The following GLYCTK variants were observed in gnomAD, a reference collection of about 807,000 sequenced individuals.
GLYCTK encodes the protein HBeAg binding protein 4.
GLYCTK carries 22 observed loss-of-function variants against 24.8 expected under a neutral mutation model. That is an observed-to-expected ratio of 0.89 (90% confidence interval 0.63 to 1.27). GLYCTK has a LOEUF of 1.27. Among genes scored for constraint, GLYCTK ranks in the 50% most tolerant of loss-of-function variants. The probability of loss-of-function intolerance (pLI) is 0.00; values close to 1 mark genes in which losing one functional copy is unlikely to be tolerated. For missense variants in GLYCTK, 684 were observed against 686.7 expected (o/e 1.00, Z 0.04); for synonymous variants, 320 against 297.2 (o/e 1.08, Z -0.79).
Position 52,290,597 on chromosome 3 carries a change from C to A in GLYCTK, c.255C>A (p.Gly85=), listed in dbSNP as rs1578025594. ...FQLRQNLYLV[G]FGKAVLGMAA... Reference sequence around the variant, plus strand: ...TGAGGCAAAACCTCTACCTGGTGGGCTTTGGCAAGGCTGTGCTGGGTATGG... The same window carrying A: ...TGAGGCAAAACCTCTACCTGGTGGGATTTGGCAAGGCTGTGCTGGGTATGG... Residue 85 remains glycine, a synonymous_variant, in exon 2 of 5, where the codon GGC becomes GGA. Transcript: ENST00000436784. 1 of 1,613,984 alleles carries A rather than the reference C, an allele frequency of 6.2e-7. No individual in the cohort carries two copies. The highest frequency in any genetic ancestry group is 8.5e-7 in the Non-Finnish European group (1 of 1,180,032).
Position 52,287,892 on chromosome 3 carries a change from C to G in GLYCTK, c.-40+16C>G, listed in dbSNP as rs771750235. The stretch of plus-strand genomic sequence containing the variant: ...CTGTGGGCTGGTAAGTCTGCGCCGC[C>G]AGGGCTCGCATGGCCTTCAGAAGCG... On this transcript the variant is annotated intron_variant, in intron 1 of 4. Transcript: ENST00000436784. The G allele has an allele frequency of 2.2e-6, 1 of 449,416 alleles. No individual in the cohort carries two copies. The highest frequency in any genetic ancestry group is 1.6e-5 in the South Asian group (1 of 64,274). 27.8% of individuals were successfully genotyped at this position (449,416 alleles called of 1,614,324 possible).
At position 52,292,557 on chromosome 3, in the gene GLYCTK, G is replaced by A; in HGVS notation, c.1003G>A (p.Ala335Thr). The A allele has an allele frequency of 1.2e-6, 2 of 1,614,016 alleles. No homozygotes were observed. Residue 335 changes from alanine (A) to threonine (T), a missense_variant, in exon 5 of 5, where the codon GCA becomes ACA. Physicochemically the swap from Ala to Thr is moderately conservative, Grantham distance 58. Coordinates refer to ENST00000436784, the MANE Select transcript of GLYCTK (RefSeq NM_145262.4). ...ALGYQAVVLS[A>T]AMQGDVKSMA... The stretch of plus-strand genomic sequence containing the variant: ...GGGCTACCAGGCTGTGGTGCTGAGT[G>A]CAGCCATGCAAGGTGATGTAAAAAG...
chr3:52,290,484 G>A lies in GLYCTK; in HGVS notation c.142G>A (p.Ala48Thr), dbSNP rs566832352. 3.1e-6 allele frequency: 5 copies of A among 1,613,262 alleles called. No individual in the cohort carries two copies. The highest frequency in any genetic ancestry group is 1.3e-5 in the African/African-American group (1 of 75,062). The change falls in exon 2 of 5, where the codon GCA (alanine) becomes ACA (threonine). Residue 48 changes from alanine (A) to threonine (T), a missense_variant. By Grantham distance (58) the Ala-to-Thr change is moderately conservative (BLOSUM62 0). Transcript: ENST00000436784. ...ARQLFESAVGAVLPGPMLHRA... is the reference protein window; with the variant it reads ...ARQLFESAVGTVLPGPMLHRA... ...GCAGCTGTTTGAGAGTGCTGTAGGTGCAGTGCTGCCGGGCCCCATGCTGCA... is the reference window on the plus strand; with the variant it reads ...GCAGCTGTTTGAGAGTGCTGTAGGTACAGTGCTGCCGGGCCCCATGCTGCA...
At chr3:52,291,157 C>T (rs1700457172) in intron 3 of GLYCTK, 46 bp downstream of exon 3, 1 of 1,598,804 alleles carries the variant, frequency 6.3e-7, no homozygotes. Flanking sequence ...GGGTGCACCA[C>T]CTGATCTCTC....
chr3:52,292,916 G>A lies in GLYCTK; in HGVS notation c.1362G>A (p.Gln454=). The change falls in exon 5 of 5, where the codon CAG becomes CAA. Residue 454 remains glutamine (Q), a synonymous_variant. Coordinates refer to ENST00000436784, the MANE Select transcript of GLYCTK (RefSeq NM_145262.4). ...VLFLSGGTDG[Q]DGPTEAAGAW... is the part of the protein sequence containing the mutation. ...TTTTGAGCGGTGGCACCGATGGGCA[G>A]GATGGGCCCACAGAGGCTGCTGGGG... 2.5e-6 allele frequency: 4 copies of A among 1,614,114 alleles called. No individual in the cohort carries two copies. Among genetic ancestry groups the A allele is most frequent in the East Asian group, 2.2e-5 (1 of 44,882 alleles).
At position 52,293,979 on chromosome 3, in the gene GLYCTK, C is replaced by A. The variant is rs1185726547; in HGVS notation, c.*853C>A. 6.8e-6 allele frequency: 3 copies of A among 438,246 alleles called. No individual in the cohort carries two copies. The Admixed American group carries it at 7.2e-5, about 10-fold the overall frequency. 27.1% of individuals were successfully genotyped at this position (438,246 alleles called of 1,614,324 possible). A position where few individuals can be genotyped will look rare whatever the true frequency, so the allele number is the denominator to read the frequency against. ...TTCCTTCAGCCACTCCTCTGGGGAC[C>A]AAGTCCAGACCCTGAAGTCAGCCCT... On this transcript the variant is annotated 3_prime_UTR_variant, in exon 5 of 5. Transcript: ENST00000436784.
At position 52,293,108 on chromosome 3, in the gene GLYCTK, G is replaced by A. The variant is rs1424453678; in HGVS notation, c.1554G>A (p.Leu518=). ...TGTNVMDTHL[L]FLRPR Reference sequence around the variant, plus strand: ...CCAATGTCATGGACACCCACCTCTTGTTCCTGCGGCCTCGGTGATGGCATA... The same window carrying A: ...CCAATGTCATGGACACCCACCTCTTATTCCTGCGGCCTCGGTGATGGCATA... Residue 518 remains leucine (L), a synonymous_variant, in exon 5 of 5, where the codon TTG becomes TTA. Coordinates refer to ENST00000436784, the MANE Select transcript of GLYCTK (RefSeq NM_145262.4). 2 of 1,613,908 alleles carry A rather than the reference G, an allele frequency of 1.2e-6. No homozygotes were observed. Among genetic ancestry groups the A allele is most frequent in the South Asian group, 1.1e-5 (1 of 91,088 alleles).
intron 3 of GLYCTK, chr3:52,291,326 G>C (rs575136129): frequency 1.6e-6 from 1 of 619,926 alleles, no homozygotes; most frequent in Admixed American, 2.6e-5. Flanking sequence ...TGACCTTTTC[G>C]GTGACAGTGA....
rs941971797 is a variant in GLYCTK at position 52,293,846 on chromosome 3, T to C, written c.*720T>C. On this transcript the variant is annotated 3_prime_UTR_variant, in exon 5 of 5. Transcript: ENST00000436784. ...CGTTGGATGGATGTCCTTTCTGTCT[T>C]TGGACAGCCCTTAGCCACATACTGC... 2.2e-6 allele frequency: 1 copy of C among 453,998 alleles called. No homozygotes were observed. Among genetic ancestry groups the C allele is most frequent in the African/African-American group, 2.0e-5 (1 of 50,014 alleles). The allele number at this position is 453,998 out of a possible 1,614,324, so 28.1% of individuals were successfully genotyped here. A position where few individuals can be genotyped will look rare whatever the true frequency, so the allele number is the denominator to read the frequency against.
At chr3:52,290,863 ATCT>A (rs1700443475) in intron 2 of GLYCTK, 94 bp from the exon 3 acceptor site, 1 of 1,589,802 alleles carries the variant, frequency 6.3e-7, no homozygotes, top group African/African-American at 1.3e-5. Context: ...GTCAGTGGGC[ATCT>A]TCGTTCATGC....
intron 1 of GLYCTK, among the ~76,000 whole-genome samples, chr3:52,289,454 ACTTGTTTTTGTTAT>A (rs753130870): frequency 2.0e-5 from 3 of 152,006 alleles, no homozygotes; most frequent in Non-Finnish European, 2.9e-5. Context: ...GTGACCTAGG[ACTTGTTTTTGTTAT>A]CTTGGAACCA....
In GLYCTK at chr3:52,290,703, G is replaced by A. The variant is rs1336899870; in HGVS notation, c.361G>A (p.Glu121Lys). ...TCCCAAGGGGATCCGTGCTGCCATGGAGCGTGCCGGCAAGCAGTAAGGAGC... is the reference window on the plus strand; with the variant it reads ...TCCCAAGGGGATCCGTGCTGCCATGAAGCGTGCCGGCAAGCAGTAAGGAGC... ...SVPKGIRAAM[E>K]RAGKQEMLLK... The change falls in exon 2 of 5, where the codon GAG (glutamate) becomes AAG (lysine). Residue 121 changes from glutamate to lysine, a missense_variant. Coordinates refer to ENST00000436784, the MANE Select transcript of GLYCTK (RefSeq NM_145262.4). The A allele has an allele frequency of 6.2e-7, 1 of 1,611,862 alleles. No homozygotes were observed. Among genetic ancestry groups the A allele is most frequent in the South Asian group, 1.1e-5 (1 of 91,022 alleles).
intron 2 of GLYCTK, 100 bp from the exon 3 acceptor site, chr3:52,290,860 G>T: frequency 6.3e-7 from 1 of 1,589,708 alleles, no homozygotes. Context: ...CATGTCAGTG[G>T]GCATCTTCGT....
At position 52,292,590 on chromosome 3, in the gene GLYCTK, C is replaced by T; in HGVS notation, c.1036C>T (p.Gln346Ter). 2.5e-6 allele frequency: 4 copies of T among 1,613,974 alleles called. No individual in the cohort carries two copies. Among genetic ancestry groups the T allele is most frequent in the Non-Finnish European group, 2.5e-6 (3 of 1,179,982 alleles). The change falls in exon 5 of 5, where the codon CAG becomes TAG. Residue 346 changes from glutamine to a stop codon, truncating the protein, a stop_gained. Coordinates refer to ENST00000436784, the MANE Select transcript of GLYCTK (RefSeq NM_145262.4). LOFTEE classifies it low-confidence loss of function (END_TRUNC). ...GCAAGGTGATGTAAAAAGTATGGCCCAGTTCTACGGGCTGCTGGCCCATGT... is the reference window on the plus strand; with the variant it reads ...GCAAGGTGATGTAAAAAGTATGGCCTAGTTCTACGGGCTGCTGGCCCATGT... ...AMQGDVKSMAQFYGLLAHVAR... is the reference protein window; with the variant it reads ...AMQGDVKSMA
At chr3:52,292,194 T>G in intron 4 of GLYCTK, 66 bp from the exon 5 acceptor site, 1 of 1,601,944 alleles carries the variant, frequency 6.2e-7, no homozygotes, top group East Asian at 2.2e-5. Context: ...TAGGGGCAGT[T>G]TGTCCTTATG....
rs143772577 is a variant in GLYCTK at position 52,293,520 on chromosome 3, G to A, written c.*394G>A. ...CAGAGTGAGGCCTCACGGGGGAGCCGCTGGGAGGGGAGCGTGGTACGGCTG... is the reference window on the plus strand; with the variant it reads ...CAGAGTGAGGCCTCACGGGGGAGCCACTGGGAGGGGAGCGTGGTACGGCTG... On this transcript the variant is annotated 3_prime_UTR_variant, in exon 5 of 5. Coordinates refer to ENST00000436784, the MANE Select transcript of GLYCTK (RefSeq NM_145262.4). 101 of 470,648 alleles carry A rather than the reference G, an allele frequency of 2.1e-4. No homozygotes were observed. Among genetic ancestry groups the A allele is most frequent in the Admixed American group, 6.5e-4 (28 of 42,976 alleles). The allele number at this position is 470,648 out of a possible 1,614,324, so 29.2% of individuals were successfully genotyped here.
chr3:52,290,588 C>T lies in GLYCTK; in HGVS notation c.246C>T (p.Tyr82=), dbSNP rs2153220818. Residue 82 remains tyrosine (Y), a synonymous_variant, in exon 2 of 5, where the codon TAC becomes TAT. Transcript: ENST00000436784. ...ACTTTCAGCTGAGGCAAAACCTCTA[C>T]CTGGTGGGCTTTGGCAAGGCTGTGC... ...DRNFQLRQNL[Y]LVGFGKAVLG... 1.2e-6 allele frequency: 2 copies of T among 1,613,932 alleles called. No homozygotes were observed. Among genetic ancestry groups the T allele is most frequent in the South Asian group, 1.1e-5 (1 of 91,088 alleles).
In GLYCTK at chr3:52,292,259, G is replaced by A. The variant is rs1348464555; in HGVS notation, c.706-1G>A. On this transcript the variant is annotated splice_acceptor_variant, in intron 4 of 4. Transcript: ENST00000436784. LOFTEE classifies it high-confidence loss of function. The stretch of plus-strand genomic sequence containing the variant: ...AGCCTTGTCTGGTGGCCCTTCCCCA[G>A]GTGGTGAGCCTCATCCTGTCAGATG... 2.5e-6 allele frequency: 4 copies of A among 1,613,786 alleles called. No homozygotes were observed. The highest frequency in any genetic ancestry group is 2.2e-5 in the East Asian group (1 of 44,892).
chr3:52,293,851 C>A lies in GLYCTK; in HGVS notation c.*725C>A, dbSNP rs1306640072. The A allele has an allele frequency of 2.2e-6, 1 of 453,998 alleles. No homozygotes were observed. Among genetic ancestry groups the A allele is most frequent in the Non-Finnish European group, 4.4e-6 (1 of 226,786 alleles). 28.1% of individuals were successfully genotyped at this position (453,998 alleles called of 1,614,324 possible). On this transcript the variant is annotated 3_prime_UTR_variant, in exon 5 of 5. Coordinates refer to ENST00000436784, the MANE Select transcript of GLYCTK (RefSeq NM_145262.4). ...GATGGATGTCCTTTCTGTCTTTGGA[C>A]AGCCCTTAGCCACATACTGCACTTC...
Sources: allele counts gnomAD v4.1 joint callset (sites outside exome capture counted in the v4.1 genomes callset), GRCh38; gene constraint gnomAD v4.1.1; transcripts MANE v1.5; gene names NCBI Gene and HGNC (gene_info 2026-07-23, HGNC 2026-07-21).